PHF24: variants seen among roughly 807,000 people sequenced by gnomAD.
PHF24 encodes PHD finger protein 24, also known as Galpha inhibitory interacting protein.
A neutral mutation model predicts 42.6 loss-of-function variants in PHF24; 25 were observed. The ratio of observed to expected loss-of-function variants is 0.59; its 90% CI spans 0.43 to 0.82. The LOEUF is 0.82. Among genes scored for constraint, PHF24 ranks in the 40% least tolerant of loss-of-function variants. PHF24 has a pLI of 0.00. For missense variants in PHF24, 470 were observed against 538.1 expected (o/e 0.87, Z 1.25); for synonymous variants, 185 against 204.8 (o/e 0.90, Z 0.83).
upstream of PHF24, among the ~76,000 whole-genome samples, chr9:34,954,037 C>T (rs573162162): frequency 7.9e-5 from 12 of 152,124 alleles, no homozygotes; most frequent in East Asian, 5.8e-4. Context: ...GAGATGGGCA[C>T]GGTGTCTCAC....
the PHF24 span, among the ~76,000 whole-genome samples, chr9:34,938,109 T>G: frequency 6.6e-6 from 1 of 152,120 alleles, no homozygotes; most frequent in African/African-American, 2.4e-5. Context: ...CCTTAGAAAT[T>G]TTGTGTTTTG....
chr9:34,846,881 C>G, the PHF24 span, among the ~76,000 whole-genome samples: 303 of 152,216 alleles, frequency 2.0e-3, 8 homozygotes, highest in East Asian at 0.051. Flanking sequence ...GCTTGTTTTT[C>G]TCAGGTTTGT....
chr9:34,968,788 TAGAC>T (rs761116086), intron 1 of PHF24, among the ~76,000 whole-genome samples: 14 of 152,366 alleles, frequency 9.2e-5, no homozygotes, highest in Admixed American at 1.3e-4. Context: ...AGATGCTTAA[TAGAC>T]AGACACATTG....
At chr9:34,790,860 G>T in the PHF24 span, among the ~76,000 whole-genome samples, 3 of 152,206 alleles carry the variant, frequency 2.0e-5, no homozygotes, top group Admixed American at 2.0e-4. Context: ...AAGAGCAGAG[G>T]CTATAGCAAT....
chr9:34,722,975 A>G, the PHF24 span: 70 of 452,894 alleles, frequency 1.5e-4, no homozygotes, highest in East Asian at 1.8e-3. Flanking sequence ...CCTTCCCTAG[A>G]CAGGAAGGAC....
chr9:34,696,112 T>G, the PHF24 span, among the ~76,000 whole-genome samples: 2 of 152,188 alleles, frequency 1.3e-5, no homozygotes, highest in Non-Finnish European at 2.9e-5. Context: ...AAATGGTGAT[T>G]ACTATATTGT....
At chr9:34,795,480 T>G in the PHF24 span, among the ~76,000 whole-genome samples, 1 of 151,490 alleles carries the variant, frequency 6.6e-6, no homozygotes, top group South Asian at 2.1e-4. Flanking sequence ...AAAAGAGAAA[T>G]GAAAACAGAA....
At chr9:34,803,107 A>G in the PHF24 span, among the ~76,000 whole-genome samples, 42 of 152,292 alleles carry the variant, frequency 2.8e-4, no homozygotes, top group Non-Finnish European at 4.9e-4. Flanking sequence ...TAAACCATGC[A>G]GAAAGAACAC....
chr9:34,861,503 C>T, the PHF24 span, among the ~76,000 whole-genome samples: 1 of 152,174 alleles, frequency 6.6e-6, no homozygotes, highest in East Asian at 1.9e-4. Flanking sequence ...TCTTCTGTGC[C>T]ATAAAGTCTA....
intron 3 of PHF24, among the ~76,000 whole-genome samples, chr9:34,973,400 T>C (rs1256279431): frequency 6.6e-6 from 1 of 152,218 alleles, no homozygotes; most frequent in Non-Finnish European, 1.5e-5. Flanking sequence ...CAAAGCTCTA[T>C]TGATTCAGAA....
chr9:34,828,788 C>G, the PHF24 span, among the ~76,000 whole-genome samples: 2 of 152,186 alleles, frequency 1.3e-5, no homozygotes, highest in East Asian at 3.8e-4. Flanking sequence ...GCTACTGCTT[C>G]TTTGTTCCTC....
chr9:34,860,984 G>A, the PHF24 span, among the ~76,000 whole-genome samples: 2 of 152,298 alleles, frequency 1.3e-5, no homozygotes, highest in African/African-American at 4.8e-5. Flanking sequence ...GAGGTAGGGG[G>A]TCCAAGCAGA....
chr9:34,834,473 T>C, the PHF24 span: 1 of 1,551,876 alleles, frequency 6.4e-7, no homozygotes, highest in Non-Finnish European at 8.7e-7. Flanking sequence ...CTGCTGGATC[T>C]TCTGAGGCAG....
chr9:34,675,316 G>A, the PHF24 span, among the ~76,000 whole-genome samples: 23 of 152,306 alleles, frequency 1.5e-4, no homozygotes, highest in African/African-American at 5.5e-4. Flanking sequence ...GGAAAATGGA[G>A]TGTGTGGTTC....
chr9:34,919,443 T>C, the PHF24 span, among the ~76,000 whole-genome samples: 1 of 152,168 alleles, frequency 6.6e-6, no homozygotes, highest in Non-Finnish European at 1.5e-5. Context: ...AGCGAACCTC[T>C]GTGCATCTCC....
At chr9:34,739,389 C>T in the PHF24 span, among the ~76,000 whole-genome samples, 1 of 152,178 alleles carries the variant, frequency 6.6e-6, no homozygotes, top group South Asian at 2.1e-4. Context: ...TTTGATCCAG[C>T]AGTTCCCCTT....
the PHF24 span, among the ~76,000 whole-genome samples, chr9:34,913,820 G>C: frequency 6.6e-6 from 1 of 152,148 alleles, no homozygotes; most frequent in Non-Finnish European, 1.5e-5. Flanking sequence ...ACTCTTAGCT[G>C]TGCCTGGTCC....
chr9:34,783,835 C>T, the PHF24 span, among the ~76,000 whole-genome samples: 1 of 152,156 alleles, frequency 6.6e-6, no homozygotes, highest in Admixed American at 6.5e-5. Context: ...TGGAATACAA[C>T]CTGAACTCCA....
chr9:34,912,597 A>AG, the PHF24 span, among the ~76,000 whole-genome samples: 1 of 152,234 alleles, frequency 6.6e-6, no homozygotes, highest in Non-Finnish European at 1.5e-5. Context: ...CTAACCTCTA[A>AG]GTAGTGCATG....
Sources: allele counts gnomAD v4.1 joint callset (sites outside exome capture counted in the v4.1 genomes callset), GRCh38; gene constraint gnomAD v4.1.1; transcripts MANE v1.5; gene names NCBI Gene and HGNC (gene_info 2026-07-23, HGNC 2026-07-21).